Variants in TMEM101 observed in about 807,000 individuals in gnomAD.
TMEM101 encodes putative NF-kappa-B-activating protein 130.
TMEM101 carries 14 observed loss-of-function variants against 26.0 expected under a neutral mutation model. The observed-to-expected ratio is 0.54, with a 90% CI of 0.36 to 0.84. The LOEUF is 0.84. TMEM101 is among the 40% of genes least tolerant of loss of function. The probability of loss-of-function intolerance (pLI) is 0.01; values close to 1 mark genes in which losing one functional copy is unlikely to be tolerated. For missense variants in TMEM101, 292 were observed against 345.1 expected (o/e 0.85, Z 1.22); for synonymous variants, 152 against 145.1 (o/e 1.05, Z -0.34).
chr17:44,011,676 G>A lies in TMEM101; in HGVS notation c.*252C>T, dbSNP rs931973856. Reference sequence around the variant, plus strand: ...TCAGGGACAGGAGACTCAGTGGGCAGCTGGCCTCAGCTCTCCTAACAGGAA... The same window carrying A: ...TCAGGGACAGGAGACTCAGTGGGCAACTGGCCTCAGCTCTCCTAACAGGAA... On this transcript the variant is annotated 3_prime_UTR_variant, in exon 4 of 4. Coordinates refer to ENST00000206380, the MANE Select transcript of TMEM101 (RefSeq NM_032376.4). 1.2e-5 allele frequency: 6 copies of A among 500,362 alleles called. No individual in the cohort carries two copies. The highest frequency in any genetic ancestry group is 7.7e-5 in the African/African-American group (4 of 51,812). The allele number at this position is 500,362 out of a possible 1,614,324, so 31.0% of individuals were successfully genotyped here.
chr17:44,015,541 T>C (rs1247897408), upstream of TMEM101, among the ~76,000 whole-genome samples: 1 of 152,096 alleles, frequency 6.6e-6, no homozygotes, highest in Non-Finnish European at 1.5e-5. Context: ...CTACAGGCTC[T>C]CGCCACCACG....
chr17:44,022,233 A>C (rs1183064506), intron 1 of TMEM101, among the ~76,000 whole-genome samples: 1 of 152,182 alleles, frequency 6.6e-6, no homozygotes, highest in Non-Finnish European at 1.5e-5. Flanking sequence ...CCCTTATTCC[A>C]TAGGATGCCA....
At chr17:44,020,358 G>T (rs2049274519) in intron 2 of TMEM101, among the ~76,000 whole-genome samples, 3 of 152,220 alleles carry the variant, frequency 2.0e-5, no homozygotes, top group Admixed American at 6.5e-5. Flanking sequence ...AGTAACAAAG[G>T]TGCTGTGTTT....
chr17:44,017,152 C>A (rs75459519), upstream of TMEM101, among the ~76,000 whole-genome samples: 71 of 135,250 alleles, frequency 5.2e-4, no homozygotes, highest in Admixed American at 5.2e-4. Flanking sequence ...GACTCTGTCT[C>A]AAAAAAAAAA....
At chr17:44,014,248 A>AGCTGTG in intron 2 of TMEM101, 109 bp downstream of exon 2, 1 of 1,338,776 alleles carries the variant, frequency 7.5e-7, no homozygotes, top group South Asian at 1.5e-5. Context: ...CCCAGGCTTC[A>AGCTGTG]CACTGTGCAG....
At chr17:44,018,253 A>C (rs540825331), upstream of TMEM101, among the ~76,000 whole-genome samples, 2 of 152,260 alleles carry the variant, frequency 1.3e-5, no homozygotes, top group African/African-American at 4.8e-5. Flanking sequence ...TTCCTCGAGG[A>C]GTTTGAGGCT....
intron 2 of TMEM101, among the ~76,000 whole-genome samples, chr17:44,020,919 A>G (rs1359198018): frequency 6.6e-6 from 1 of 152,224 alleles, no homozygotes; most frequent in African/African-American, 2.4e-5. Context: ...TCTCAGCCTC[A>G]GACATGGTGA....
At chr17:44,019,629 C>T (rs1354178752), upstream of TMEM101, among the ~76,000 whole-genome samples, 2 of 152,218 alleles carry the variant, frequency 1.3e-5, no homozygotes, top group Non-Finnish European at 2.9e-5. Context: ...CTCACACAAC[C>T]TGTTCCGGGA....
chr17:44,012,703 TC>T, intron 3 of TMEM101: 1 of 419,968 alleles, frequency 2.4e-6, no homozygotes. Context: ...CTCTCCTTTA[TC>T]CCCTTCTAGT....
chr17:44,021,383 T>C (rs2049283807), exon 2 of TMEM101: 1 of 152,210 alleles, frequency 6.6e-6, no homozygotes, highest in African/African-American at 2.4e-5. Context: ...GCATTCAAGT[T>C]TGCAGTTATG....
upstream of TMEM101, among the ~76,000 whole-genome samples, chr17:44,016,814 CA>C: frequency 1.3e-5 from 2 of 152,198 alleles, no homozygotes; most frequent in Admixed American, 1.3e-4. Context: ...AGGATGCCCT[CA>C]GGAAATATGT....
chr17:44,011,732 C>T lies in TMEM101; in HGVS notation c.*196G>A. On this transcript the variant is annotated 3_prime_UTR_variant, in exon 4 of 4. Transcript: ENST00000206380. Reference sequence around the variant, plus strand: ...CCTGTACAGCATTAGTGCCAGGGCTCCTGCCCTCCCAAGCGCTGAGCCCAG... The same window carrying T: ...CCTGTACAGCATTAGTGCCAGGGCTTCTGCCCTCCCAAGCGCTGAGCCCAG... 1.6e-6 allele frequency: 1 copy of T among 616,492 alleles called. No homozygotes were observed. Among genetic ancestry groups the T allele is most frequent in the Middle Eastern group, 4.4e-4 (1 of 2,270 alleles). 38.2% of individuals were successfully genotyped at this position (616,492 alleles called of 1,614,324 possible). A position where few individuals can be genotyped will look rare whatever the true frequency, so the allele number is the denominator to read the frequency against.
chr17:44,014,322 C>A (rs1380787787), intron 2 of TMEM101, 35 bp downstream of exon 2: 1 of 1,535,364 alleles, frequency 6.5e-7, no homozygotes, highest in East Asian at 2.5e-5. Flanking sequence ...CCCCGTCACC[C>A]AGAGGGAAGA....
At chr17:44,021,466 C>T (rs796517181) in intron 1 of TMEM101, 1 of 152,194 alleles carries the variant, frequency 6.6e-6, no homozygotes, top group Non-Finnish European at 1.5e-5. Flanking sequence ...CGCATGAGCA[C>T]CAACATGGCA....
chr17:44,015,002 C>G, upstream of TMEM101: 1 of 1,553,956 alleles, frequency 6.4e-7, no homozygotes, highest in South Asian at 1.2e-5. Context: ...GAGAAGCAGG[C>G]GCGGGGATGG....
chr17:44,020,246 G>A (rs764261668), intron 2 of TMEM101, among the ~76,000 whole-genome samples: 13 of 152,140 alleles, frequency 8.5e-5, no homozygotes, highest in Admixed American at 2.0e-4. Flanking sequence ...GTGTCTCCCC[G>A]TCCAAGCAGG....
At chr17:44,015,166 GA>G (rs967398214), upstream of TMEM101, 143 of 538,534 alleles carry the variant, frequency 2.7e-4, no homozygotes, top group African/African-American at 2.6e-3. Flanking sequence ...CTGCGAATTT[GA>G]AAACTAGACT....
chr17:44,017,799 A>AT (rs1366815678), upstream of TMEM101, among the ~76,000 whole-genome samples: 7 of 151,802 alleles, frequency 4.6e-5, no homozygotes, highest in Admixed American at 4.6e-4. Context: ...AGCCAGTGAA[A>AT]GGTGGGCAAT....
rs551708283 is a variant in TMEM101 at position 44,022,470 on chromosome 17, C to T, written c.-324+569G>A. Among the ~76,000 whole-genome samples, 6 of 152,350 alleles carry T rather than the reference C, an allele frequency of 3.9e-5. No homozygotes were observed. In the East Asian group the frequency reaches 9.6e-4, roughly 24 times the overall value. Reference sequence around the variant, plus strand: ...GGCCTGGCATTGGGCCAGGACCAGTCTGGAAGTCAGATTAGCATTTTCCTT... The same window carrying T: ...GGCCTGGCATTGGGCCAGGACCAGTTTGGAAGTCAGATTAGCATTTTCCTT... On this transcript the variant is annotated intron_variant, in intron 1 of 4. Transcript: ENST00000585950.
Sources: gnomAD v4.1 joint callset for allele counts (sites outside exome capture counted in the v4.1 genomes callset) on GRCh38, gnomAD v4.1.1 for gene constraint, MANE v1.5 for transcripts, NCBI Gene and HGNC (gene_info 2026-07-23, HGNC 2026-07-21) for gene names.